Variants in CSMD1 observed in about 807,000 individuals in gnomAD.
CSMD1 encodes CUB and sushi domain-containing protein 1.
Under a neutral mutation model 417.5 loss-of-function variants are expected in CSMD1, and 213 were observed. The observed-to-expected ratio is 0.51, with a 90% CI of 0.46 to 0.57. The LOEUF is 0.57. Ranked by LOEUF, CSMD1 falls within the 20% of genes least tolerant of loss-of-function variation. The pLI is 0.00. For missense variants in CSMD1, 6,923 were observed against 4,529.7 expected, an observed-to-expected ratio of 1.53 and a Z score of -15.17; for synonymous variants, 2,862 against 1,736.8, an observed-to-expected ratio of 1.65 and a Z score of -16.11.
intron 7 of CSMD1, among the ~76,000 whole-genome samples, chr8:3,632,431 T>A (rs895683157): frequency 1.3e-5 from 2 of 152,102 alleles, no homozygotes; most frequent in Non-Finnish European, 2.9e-5. Flanking sequence ...TATAGGAGAT[T>A]ATTTTTTAAT....
At chr8:4,427,332 C>T (rs984337321) in intron 2 of CSMD1, among the ~76,000 whole-genome samples, 1 of 152,118 alleles carries the variant, frequency 6.6e-6, no homozygotes, top group Admixed American at 6.6e-5. Flanking sequence ...CAGTGAGTTA[C>T]ATGTCAAACT....
At chr8:4,060,273 A>C (rs1478614140) in intron 3 of CSMD1, among the ~76,000 whole-genome samples, 2 of 152,180 alleles carry the variant, frequency 1.3e-5, no homozygotes, top group Non-Finnish European at 2.9e-5. Flanking sequence ...TCAATAAATT[A>C]GGTATTGATG....
intron 8 of CSMD1, among the ~76,000 whole-genome samples, chr8:3,607,650 G>C (rs1383668120): frequency 1.3e-5 from 2 of 152,176 alleles, no homozygotes; most frequent in African/African-American, 4.8e-5. Flanking sequence ...CATATATGCA[G>C]TCCATTGTTA....
Position 3,270,015 on chromosome 8 carries a change from G to A in CSMD1, c.4153+14129C>T, listed in dbSNP as rs113127153. 3.6e-3 allele frequency among the ~76,000 whole-genome samples: 550 copies of A among 150,774 alleles called. 2 individuals are homozygous for A. The highest frequency in any genetic ancestry group is 0.013 in the African/African-American group (531 of 41,124). On this transcript the variant is annotated intron_variant, in intron 26 of 69. Transcript: ENST00000635120. ...AACATGCACGTAGACATGAAGCATG[G>A]AAGATGAGCAAGGACTTTCTCTAAC...
intron 1 of CSMD1, among the ~76,000 whole-genome samples, chr8:4,643,574 G>T (rs1210662928): frequency 6.6e-6 from 1 of 152,100 alleles, no homozygotes; most frequent in Non-Finnish European, 1.5e-5. Flanking sequence ...GATTTTCAGT[G>T]AATTTTTTTA....
At chr8:4,628,492 T>TA (rs147942185) in intron 2 of CSMD1, among the ~76,000 whole-genome samples, 11,643 of 150,582 alleles carry the variant, frequency 0.077, 627 homozygotes, top group East Asian at 0.18. Context: ...ACAGTATCAG[T>TA]ATATACACAC....
chr8:4,577,620 C>G (rs941954264), intron 2 of CSMD1, among the ~76,000 whole-genome samples: 3 of 152,154 alleles, frequency 2.0e-5, no homozygotes, highest in Non-Finnish European at 2.9e-5. Flanking sequence ...CCAGGTAAGT[C>G]TTACTCTTCA....
At chr8:3,032,502 T>A (rs915556816) in intron 50 of CSMD1, among the ~76,000 whole-genome samples, 3 of 152,012 alleles carry the variant, frequency 2.0e-5, no homozygotes, top group African/African-American at 4.8e-5. Flanking sequence ...TTTATCTTGG[T>A]CCAATAAAAT....
At chr8:4,326,311 T>G (rs1306375232) in intron 3 of CSMD1, among the ~76,000 whole-genome samples, 1 of 152,118 alleles carries the variant, frequency 6.6e-6, no homozygotes, top group Non-Finnish European at 1.5e-5. Flanking sequence ...AGCGGATAAG[T>G]CCTTTGAAAA....
chr8:4,109,029 C>G (rs948384380), intron 3 of CSMD1, among the ~76,000 whole-genome samples: 3 of 152,170 alleles, frequency 2.0e-5, no homozygotes, highest in African/African-American at 7.2e-5. Flanking sequence ...ATACAAATAT[C>G]TACAGATGCT....
At chr8:4,913,176 G>A (rs1805817161) in intron 1 of CSMD1, among the ~76,000 whole-genome samples, 1 of 152,174 alleles carries the variant, frequency 6.6e-6, no homozygotes. Flanking sequence ...AGTGGGTCTT[G>A]CAAAGATTAG....
At chr8:4,807,530 A>C (rs1798659125) in intron 1 of CSMD1, among the ~76,000 whole-genome samples, 1 of 152,188 alleles carries the variant, frequency 6.6e-6, no homozygotes, top group African/African-American at 2.4e-5. Flanking sequence ...ACCAGAGAGC[A>C]GGACACCAGT....
At chr8:3,373,004 A>C (rs1810070738) in intron 18 of CSMD1, among the ~76,000 whole-genome samples, 1 of 152,166 alleles carries the variant, frequency 6.6e-6, no homozygotes. Flanking sequence ...TTGATGCAAT[A>C]ATTTCTCAAA....
intron 5 of CSMD1, among the ~76,000 whole-genome samples, chr8:3,986,037 CCT>C (rs1399791059): frequency 2.6e-5 from 4 of 152,048 alleles, no homozygotes; most frequent in Non-Finnish European, 5.9e-5. Flanking sequence ...ATCTCAAAGC[CCT>C]GTCTTTTCCT....
chr8:3,745,024 G>A (rs540787150), intron 6 of CSMD1, among the ~76,000 whole-genome samples: 1 of 152,156 alleles, frequency 6.6e-6, no homozygotes, highest in African/African-American at 2.4e-5. Context: ...TCTCCGGGCA[G>A]TGAATATTTA....
chr8:4,444,296 G>A (rs549611597), intron 2 of CSMD1, among the ~76,000 whole-genome samples: 3 of 132,680 alleles, frequency 2.3e-5, no homozygotes, highest in African/African-American at 5.6e-5. Flanking sequence ...GCAGTGAACT[G>A]AGATCTCGCG....
chr8:4,838,750 C>T (rs1800657587), intron 1 of CSMD1, among the ~76,000 whole-genome samples: 2 of 152,128 alleles, frequency 1.3e-5, no homozygotes, highest in Non-Finnish European at 2.9e-5. Flanking sequence ...CAAATGAAGA[C>T]TAACAAGGAA....
chr8:4,467,501 C>G lies in CSMD1; in HGVS notation c.303-47436G>C, dbSNP rs1236382975. Among the ~76,000 whole-genome samples the G allele has an allele frequency of 2.0e-5, 3 of 152,306 alleles. No homozygotes were observed. In the East Asian group the frequency reaches 5.8e-4, roughly 29 times the overall value. ...CCATGAGTGGCCAGAGGATAGAGTTCTGACTTAAGCACAGACAACTTTTTT... is the reference window on the plus strand; with the variant it reads ...CCATGAGTGGCCAGAGGATAGAGTTGTGACTTAAGCACAGACAACTTTTTT... On this transcript the variant is annotated intron_variant, in intron 2 of 69. Coordinates refer to ENST00000635120, the MANE Select transcript of CSMD1 (RefSeq NM_033225.6).
intron 3 of CSMD1, among the ~76,000 whole-genome samples, chr8:4,341,779 A>C (rs1221094864): frequency 6.6e-6 from 1 of 152,150 alleles, no homozygotes; most frequent in Non-Finnish European, 1.5e-5. Context: ...AATATTGTGC[A>C]GATTTCAGTG....
Sources: allele counts gnomAD v4.1 joint callset (sites outside exome capture counted in the v4.1 genomes callset), GRCh38; gene constraint gnomAD v4.1.1; transcripts MANE v1.5; gene names NCBI Gene and HGNC (gene_info 2026-07-23, HGNC 2026-07-21).